RYR2: variants seen among roughly 807,000 people sequenced by gnomAD.
RYR2 encodes the protein ryanodine receptor 2.
In RYR2, 227 loss-of-function variants were observed where a neutral mutation model predicts 601.1. That is an observed-to-expected ratio of 0.38 (90% CI 0.34 to 0.42). RYR2 has a LOEUF of 0.42. Ranked by LOEUF, RYR2 falls within the 10% of genes least tolerant of loss-of-function variation. The probability of loss-of-function intolerance (pLI) is 1.00; values close to 1 mark genes in which losing one functional copy is unlikely to be tolerated. For missense variants in RYR2, 4,646 were observed against 6,156.5 expected (o/e 0.75, Z 8.21); for synonymous variants, 2,223 against 2,175.1 (o/e 1.02, Z -0.61).
intron 25 of RYR2, among the ~76,000 whole-genome samples, chr1:237,536,237 GTTAT>G (rs1377163583): frequency 2.0e-5 from 3 of 152,166 alleles, no homozygotes; most frequent in Non-Finnish European, 2.9e-5. Context: ...TGCACTTGAT[GTTAT>G]TTATGTTTCA....
chr1:237,322,844 G>A (rs1354457162), intron 2 of RYR2, among the ~76,000 whole-genome samples: 1 of 150,842 alleles, frequency 6.6e-6, no homozygotes, highest in East Asian at 1.9e-4. Context: ...GTGTGTGTGT[G>A]TGTGGTGTTA....
chr1:237,104,525 G>T (rs966430273), intron 1 of RYR2, among the ~76,000 whole-genome samples: 2 of 152,174 alleles, frequency 1.3e-5, no homozygotes, highest in Admixed American at 1.3e-4. Context: ...GCTTAAATGT[G>T]CTGTGCCTTT....
chr1:237,493,092 A>G lies in RYR2; in HGVS notation c.1961+5A>G, dbSNP rs767736611. The G allele has an allele frequency of 6.2e-7, 1 of 1,613,568 alleles. No individual in the cohort carries two copies. Among genetic ancestry groups the G allele is most frequent in the South Asian group, 1.1e-5 (1 of 90,926 alleles). ...TCTTGTGAACCATGTCAGCAGGTAA[A>G]TTCAGACAGACAATGTCACCTGACA... On this transcript the variant is annotated splice_donor_5th_base_variant and intron_variant, in intron 19 of 104. Coordinates refer to ENST00000366574, the MANE Select transcript of RYR2 (RefSeq NM_001035.3).
At chr1:237,662,629 A>G (rs1299685572) in intron 56 of RYR2, among the ~76,000 whole-genome samples, 6 of 152,186 alleles carry the variant, frequency 3.9e-5, no homozygotes, top group African/African-American at 1.4e-4. Context: ...ATTTAAAATC[A>G]TGTATATTTT....
At chr1:237,679,223 C>A (rs1685648343) in intron 61 of RYR2, among the ~76,000 whole-genome samples, 1 of 152,134 alleles carries the variant, frequency 6.6e-6, no homozygotes, top group South Asian at 2.1e-4. Context: ...CTAATTTTCC[C>A]TTTAAAATAC....
chr1:237,209,515 A>AT (rs1236992824), intron 1 of RYR2, among the ~76,000 whole-genome samples: 134 of 24,254 alleles, frequency 5.5e-3, no homozygotes, highest in Middle Eastern at 0.036. Flanking sequence ...GTGTGTGTGT[A>AT]TTTTTTTTTT....
At chr1:237,792,366 TGTGTGTGTGTGTGTGC>T (rs772585249) in intron 94 of RYR2, 43 bp downstream of exon 94, 20 of 805,130 alleles carry the variant, frequency 2.5e-5, no homozygotes, top group Non-Finnish European at 3.3e-5. Flanking sequence ...TGTGTGTGTG[TGTGTGTGTGTGTGTGC>T]GTGTGTGTGT....
chr1:237,129,149 C>G (rs939322789), intron 1 of RYR2, among the ~76,000 whole-genome samples: 1 of 152,220 alleles, frequency 6.6e-6, no homozygotes, highest in Non-Finnish European at 1.5e-5. Flanking sequence ...ACTGCCTTCT[C>G]TCATCTGGAT....
intron 10 of RYR2, among the ~76,000 whole-genome samples, chr1:237,390,069 T>C (rs186605503): frequency 2.5e-4 from 38 of 151,754 alleles, no homozygotes; most frequent in African/African-American, 8.5e-4. Context: ...GTCAGAGTGA[T>C]AGTTTAGTAG....
At chr1:237,194,117 G>T (rs545536325) in intron 1 of RYR2, among the ~76,000 whole-genome samples, 1 of 152,302 alleles carries the variant, frequency 6.6e-6, no homozygotes, top group South Asian at 2.1e-4. Flanking sequence ...TTGCATAAAT[G>T]CATTTCATTT....
rs16835777 is a variant in RYR2 at position 237,770,603 on chromosome 1, G to A, written c.11477-204G>A. Among the ~76,000 whole-genome samples the A allele has an allele frequency of 0.043, 6,498 of 152,184 alleles. 441 individuals are homozygous for A. Among genetic ancestry groups the A allele is most frequent in the African/African-American group, 0.15 (6,077 of 41,502 alleles). On this transcript the variant is annotated intron_variant, in intron 84 of 104. Transcript: ENST00000366574. The stretch of plus-strand genomic sequence containing the variant: ...GAAGTCTGAGTTTTAAAATTCAAAC[G>A]TTCTTTTCTTACAAAGAAAAAGTGC...
rs148619971 is a variant in RYR2 at position 237,431,446 on chromosome 1, C to T, written c.1005+8198C>T. On this transcript the variant is annotated intron_variant, in intron 12 of 104. Coordinates refer to ENST00000366574, the MANE Select transcript of RYR2 (RefSeq NM_001035.3). ...AAATATTACATATTTTGATGATGAA[C>T]AGTGTTAATTATATATGATTTTGGG... is the stretch of plus-strand genomic sequence containing the variant. Among the ~76,000 whole-genome samples, 582 of 152,182 alleles carry T rather than the reference C, an allele frequency of 3.8e-3. 10 individuals are homozygous for T. Among genetic ancestry groups the T allele is most frequent in the African/African-American group, 0.013 (545 of 41,526 alleles).
chr1:237,622,710 A>G (rs1456739512), intron 38 of RYR2, among the ~76,000 whole-genome samples: 1 of 152,200 alleles, frequency 6.6e-6, no homozygotes, highest in Admixed American at 6.5e-5. Context: ...AAATGAAGTG[A>G]TATGTCAGCA....
In RYR2 at chr1:237,123,889, G is replaced by A. The variant is rs538855058; in HGVS notation, c.48+81320G>A. ...TCACCTTGTTAGCCAGGATGGTCTC[G>A]ATCTCCTGACCTCATGATCCACCCG... On this transcript the variant is annotated intron_variant, in intron 1 of 104. Coordinates refer to ENST00000366574, the MANE Select transcript of RYR2 (RefSeq NM_001035.3). 2.6e-5 allele frequency among the ~76,000 whole-genome samples: 4 copies of A among 151,922 alleles called. No individual in the cohort carries two copies. The South Asian group carries it at 8.3e-4, about 32-fold the overall frequency.
At chr1:237,444,765 T>C (rs1442162509) in intron 13 of RYR2, among the ~76,000 whole-genome samples, 1 of 152,228 alleles carries the variant, frequency 6.6e-6, no homozygotes, top group Non-Finnish European at 1.5e-5. Flanking sequence ...GCATTTCTCT[T>C]TCCTAACATT....
intron 53 of RYR2, among the ~76,000 whole-genome samples, chr1:237,657,215 T>C (rs540340360): frequency 1.3e-5 from 2 of 152,338 alleles, no homozygotes; most frequent in Non-Finnish European, 2.9e-5. Flanking sequence ...GTATGTCTTA[T>C]AGTTCAATTA....
chr1:237,614,854 C>G lies in RYR2; in HGVS notation c.5715+11C>G, dbSNP rs766754503. On this transcript the variant is annotated intron_variant, in intron 37 of 104. Coordinates refer to ENST00000366574, the MANE Select transcript of RYR2 (RefSeq NM_001035.3). This position sits in a 1 kb window ranked among gnomAD's most constrained non-coding sequence, Gnocchi z 4.3. ...CCAGTTAAATTGCAGGTAATCAGAA[C>G]AAGAGACTTGAGTGAATTTCAGAAT... The G allele has an allele frequency of 6.5e-7, 1 of 1,543,128 alleles. No homozygotes were observed. The highest frequency in any genetic ancestry group is 1.3e-5 in the South Asian group (1 of 77,830).
chr1:237,707,009 T>A lies in RYR2; in HGVS notation c.9641T>A (p.Leu3214His), dbSNP rs752385143. Reference protein sequence around the residue: ...VCPNIPSLEKLMEEIVELAES... With the variant: ...VCPNIPSLEKHMEEIVELAES... ...CCAAACATACCGTCTTTGGAGAAAC[T>A]CATGGAAGAAATCGTGGAATTAGCC... Residue 3214 changes from leucine to histidine, a missense_variant, in exon 68 of 105, where the codon CTC becomes CAC. Around this residue, in one of 17 missense-constraint regions of RYR2, gnomAD observed 1,497 missense variants for 1,842.6 expected, o/e 0.81. Coordinates refer to ENST00000366574, the MANE Select transcript of RYR2 (RefSeq NM_001035.3). 6 of 1,613,932 alleles carry A rather than the reference T, an allele frequency of 3.7e-6. No homozygotes were observed. Among genetic ancestry groups the A allele is most frequent in the Admixed American group, 1.7e-5 (1 of 60,026 alleles).
intron 63 of RYR2, among the ~76,000 whole-genome samples, chr1:237,696,627 G>A (rs936362295): frequency 1.3e-5 from 2 of 150,234 alleles, no homozygotes; most frequent in African/African-American, 2.5e-5. Flanking sequence ...TGCAAAGCAA[G>A]GGTCAGGACC....
Sources: allele counts gnomAD v4.1 joint callset (sites outside exome capture counted in the v4.1 genomes callset), GRCh38; gene constraint gnomAD v4.1.1; regional missense constraint gnomAD v4.1.1; non-coding constraint Gnocchi (gnomAD v3.1); transcripts MANE v1.5; gene names NCBI Gene and HGNC (gene_info 2026-07-23, HGNC 2026-07-21).